TCEANC2: variants seen among roughly 807,000 people sequenced by gnomAD.
TCEANC2 encodes the protein transcription elongation factor A N-terminal and central domain containing 2.
Under a neutral mutation model 22.8 loss-of-function variants are expected in TCEANC2, and 20 were observed. The observed-to-expected ratio is 0.88, with a 90% CI of 0.62 to 1.28. The LOEUF is 1.28. TCEANC2 is among the 50% of genes most tolerant of loss of function. The probability of loss-of-function intolerance (pLI) is 0.00; values close to 1 mark genes in which losing one functional copy is unlikely to be tolerated. For missense variants in TCEANC2, 251 were observed against 249.7 expected (o/e 1.01, Z -0.03); for synonymous variants, 84 against 95.5 (o/e 0.88, Z 0.70).
chr1:54,089,968 G>A, intron 4 of TCEANC2: 1 of 719,540 alleles, frequency 1.4e-6, no homozygotes, highest in Non-Finnish European at 2.6e-6. Context: ...GATAAATATG[G>A]TAGTGCTGTA....
In TCEANC2 at chr1:54,101,789, A is replaced by T. The variant is rs564256868; in HGVS notation, c.*5316A>T. ...CTCCCAAGTGTCTGGGACCATAGGTATGTGCCATCATACCTGGCTGATTTT... is the reference window on the plus strand; with the variant it reads ...CTCCCAAGTGTCTGGGACCATAGGTTTGTGCCATCATACCTGGCTGATTTT... On this transcript the variant is annotated 3_prime_UTR_variant, in exon 5 of 5. Transcript: ENST00000234827. 6.6e-6 allele frequency: 1 copy of T among 152,168 alleles called. No individual in the cohort carries two copies. Among genetic ancestry groups the T allele is most frequent in the Admixed American group, 6.6e-5 (1 of 15,266 alleles). 9.4% of individuals were successfully genotyped at this position (152,168 alleles called of 1,614,324 possible). A position where few individuals can be genotyped will look rare whatever the true frequency, so the allele number is the denominator to read the frequency against.
At chr1:54,087,273 A>AT (rs1247335242) in intron 3 of TCEANC2, among the ~76,000 whole-genome samples, 1 of 152,078 alleles carries the variant, frequency 6.6e-6, no homozygotes. Flanking sequence ...GCATATTGAT[A>AT]TTTTTGACCC....
chr1:54,057,196 T>C (rs369009938), intron 2 of TCEANC2, among the ~76,000 whole-genome samples: 1 of 151,278 alleles, frequency 6.6e-6, no homozygotes, highest in African/African-American at 2.4e-5. Context: ...TCCTTAACTC[T>C]TTTTTCTCAT....
At chr1:54,065,929 A>G (rs1173209942) in intron 2 of TCEANC2, among the ~76,000 whole-genome samples, 1 of 151,762 alleles carries the variant, frequency 6.6e-6, no homozygotes, top group African/African-American at 2.4e-5. Flanking sequence ...AAAATTAGCC[A>G]GGTGTGGTGA....
In TCEANC2 at chr1:54,054,502, A is replaced by G. The variant is rs142262266; in HGVS notation, c.80A>G (p.Gln27Arg). The G allele has an allele frequency of 1.2e-6, 2 of 1,613,566 alleles. No homozygotes were observed. Among genetic ancestry groups the G allele is most frequent in the African/African-American group, 1.3e-5 (1 of 75,016 alleles). The change falls in exon 2 of 5, where the codon CAG (glutamine) becomes CGG (arginine). Residue 27 changes from glutamine to arginine, a missense_variant. Physicochemically the swap from Gln to Arg is conservative, Grantham distance 43. Coordinates refer to ENST00000234827, the MANE Select transcript of TCEANC2 (RefSeq NM_153035.3). Reference sequence around the variant, plus strand: ...GATTCTGGAGGAAAGGTTTACAAGCAGGCCACGATTGAATCTCTGAAGGTG... The same window carrying G: ...GATTCTGGAGGAAAGGTTTACAAGCGGGCCACGATTGAATCTCTGAAGGTG... ...KKDSGGKVYKQATIESLKRVV... is the reference protein window; with the variant it reads ...KKDSGGKVYKRATIESLKRVV...
At position 54,101,476 on chromosome 1, in the gene TCEANC2, G is replaced by A. The variant is rs1353549077; in HGVS notation, c.*5003G>A. 6.6e-6 allele frequency: 1 copy of A among 152,158 alleles called. No individual in the cohort carries two copies. Among genetic ancestry groups the A allele is most frequent in the East Asian group, 1.9e-4 (1 of 5,200 alleles). 9.4% of individuals were successfully genotyped at this position (152,158 alleles called of 1,614,324 possible). On this transcript the variant is annotated 3_prime_UTR_variant, in exon 5 of 5. Coordinates refer to ENST00000234827, the MANE Select transcript of TCEANC2 (RefSeq NM_153035.3). Reference sequence around the variant, plus strand: ...AGAAGATCAAGACATCCAATCAAATGCTGGTTTTTAATGTTGATAAAATCA... The same window carrying A: ...AGAAGATCAAGACATCCAATCAAATACTGGTTTTTAATGTTGATAAAATCA...
intron 3 of TCEANC2, among the ~76,000 whole-genome samples, chr1:54,076,305 G>A (rs559665679): frequency 6.6e-6 from 1 of 152,088 alleles, no homozygotes; most frequent in Admixed American, 6.5e-5. Flanking sequence ...CCTTTTTTGT[G>A]TTCATGAGTT....
chr1:54,096,428 C>G lies in TCEANC2; in HGVS notation c.582C>G (p.Ser194Arg). 6.2e-7 allele frequency: 1 copy of G among 1,612,522 alleles called. No homozygotes were observed. The highest frequency in any genetic ancestry group is 8.5e-7 in the Non-Finnish European group (1 of 1,178,622). ...HRAEIRAQVK[S>R]GSLPVGTFVQ... ...CTGAAATCCGGGCTCAGGTGAAGAGCGGCTCGCTGCCAGTCGGCACGTTTG... is the reference window on the plus strand; with the variant it reads ...CTGAAATCCGGGCTCAGGTGAAGAGGGGCTCGCTGCCAGTCGGCACGTTTG... Residue 194 changes from serine to arginine, a missense_variant, in exon 5 of 5, where the codon AGC (serine) becomes AGG (arginine). Transcript: ENST00000234827. The surrounding 1 kb of genome is among the most constrained non-coding windows in gnomAD (Gnocchi z 4.9).
intron 2 of TCEANC2, among the ~76,000 whole-genome samples, chr1:54,055,315 G>A (rs1028438696): frequency 6.6e-6 from 1 of 152,202 alleles, no homozygotes; most frequent in Non-Finnish European, 1.5e-5. Flanking sequence ...TCAGTCTGAT[G>A]TCTGCAAGCA....
rs184738790 is a variant in TCEANC2, at chr1:54,068,102, A to G, written c.103-654A>G. ...TTTTTTATACTTAATGGAAAGATGC[A>G]TATCAACTTTAAGATGGTACATAGT... On this transcript the variant is annotated intron_variant, in intron 2 of 4. Coordinates refer to ENST00000234827, the MANE Select transcript of TCEANC2 (RefSeq NM_153035.3). 1.4e-4 allele frequency among the ~76,000 whole-genome samples: 21 copies of G among 152,366 alleles called. No homozygotes were observed. The East Asian group carries it at 4.0e-3, about 29-fold the overall frequency.
intron 3 of TCEANC2, among the ~76,000 whole-genome samples, chr1:54,085,728 T>A (rs1351965448): frequency 1.3e-5 from 2 of 152,158 alleles, no homozygotes; most frequent in Non-Finnish European, 2.9e-5. Context: ...ATCTATAAAC[T>A]AATTTCTTTT....
At chr1:54,084,354 T>C (rs1234955367) in intron 3 of TCEANC2, among the ~76,000 whole-genome samples, 3 of 152,182 alleles carry the variant, frequency 2.0e-5, no homozygotes, top group African/African-American at 7.2e-5. Flanking sequence ...ATTGTTTAAA[T>C]GGACTATAAT....
downstream of TCEANC2, among the ~76,000 whole-genome samples, chr1:54,109,483 T>TTTA (rs1658809147): frequency 6.6e-6 from 1 of 152,212 alleles, no homozygotes; most frequent in African/African-American, 2.4e-5. Context: ...AGGAAACTCC[T>TTTA]AAGTAAAATT....
downstream of TCEANC2, among the ~76,000 whole-genome samples, chr1:54,106,996 A>G (rs1038809098): frequency 1.3e-5 from 2 of 152,196 alleles, no homozygotes; most frequent in Non-Finnish European, 2.9e-5. Context: ...TACATCTGTC[A>G]AAATTAAAAG....
intron 3 of TCEANC2, among the ~76,000 whole-genome samples, chr1:54,071,186 C>T (rs990999282): frequency 6.6e-6 from 1 of 152,212 alleles, no homozygotes; most frequent in African/African-American, 2.4e-5. Context: ...ACTGTTTGGT[C>T]TTGGCATATG....
chr1:54,078,148 C>CT lies in TCEANC2; in HGVS notation c.244+9259dup, dbSNP rs200359670. ...TCCATGCATTTTTTTGGCACTTTTT[C>CT]TTTTTTTTGTAAACTGTCTGTTCAT... is the stretch of plus-strand genomic sequence containing the variant. On this transcript the variant is annotated intron_variant, in intron 3 of 4. Coordinates refer to ENST00000234827, the MANE Select transcript of TCEANC2 (RefSeq NM_153035.3). 6.6e-3 allele frequency among the ~76,000 whole-genome samples: 1,001 copies of CT among 151,916 alleles called. 11 individuals carry two copies. Among genetic ancestry groups the CT allele is most frequent in the African/African-American group, 0.023 (961 of 41,438 alleles).
Position 54,098,817 on chromosome 1 carries a change from T to G in TCEANC2, c.*2344T>G, listed in dbSNP as rs950659434. The stretch of plus-strand genomic sequence containing the variant: ...AGGAGTTTGGATAGGGGAATGTTAG[T>G]TAATAGAATGAAAATTTCAAAATTA... On this transcript the variant is annotated 3_prime_UTR_variant, in exon 5 of 5. Coordinates refer to ENST00000234827, the MANE Select transcript of TCEANC2 (RefSeq NM_153035.3). 1.3e-5 allele frequency: 2 copies of G among 152,170 alleles called. No individual in the cohort carries two copies. The highest frequency in any genetic ancestry group is 1.5e-5 in the Non-Finnish European group (1 of 68,042). 9.4% of individuals were successfully genotyped at this position (152,170 alleles called of 1,614,324 possible).
At chr1:54,087,350 CT>C (rs1658358141) in intron 3 of TCEANC2, among the ~76,000 whole-genome samples, 1 of 152,116 alleles carries the variant, frequency 6.6e-6, no homozygotes, top group African/African-American at 2.4e-5. Flanking sequence ...AATATTATAA[CT>C]AACTCTCATA....
At chr1:54,095,466 C>T (rs1557694919) in intron 4 of TCEANC2, among the ~76,000 whole-genome samples, 1 of 152,068 alleles carries the variant, frequency 6.6e-6, no homozygotes, top group Non-Finnish European at 1.5e-5. Context: ...GCTGGGGGGT[C>T]TCGGATCAGC....
Sources: gnomAD v4.1 joint callset for allele counts (sites outside exome capture counted in the v4.1 genomes callset) on GRCh38, gnomAD v4.1.1 for gene constraint, Gnocchi (gnomAD v3.1) non-coding constraint, MANE v1.5 for transcripts, NCBI Gene and HGNC (gene_info 2026-07-23, HGNC 2026-07-21) for gene names.